SELENBP1: variants seen among roughly 807,000 people sequenced by gnomAD.
The protein encoded by SELENBP1 is selenium binding protein 1, also known as methanethiol oxidase.
Under a neutral mutation model 61.0 loss-of-function variants are expected in SELENBP1, and 71 were observed. The observed-to-expected ratio is 1.16, with a 90% CI of 0.96 to 1.42. The LOEUF is 1.42. Among genes scored for constraint, SELENBP1 ranks in the 40% most tolerant of loss-of-function variants. SELENBP1 has a pLI of 0.00. For synonymous variants in SELENBP1, 270 were observed against 238.9 expected (o/e 1.13, Z -1.20); for missense variants, 561 against 605.0 (o/e 0.93, Z 0.76).
chr1:151,370,280 G>T, intron 1 of SELENBP1: 1 of 205,962 alleles, frequency 4.9e-6, no homozygotes. Flanking sequence ...GGCTGTTCTT[G>T]AGGAGCTGCT....
In SELENBP1 at chr1:151,372,632, C is replaced by T. The variant is rs760768785; in HGVS notation, c.4+6G>A. ...GCAATGGGTGATTGGAAACCCCTCT[C>T]CTTACCCATGCTGCCGACTGGTACA... On this transcript the variant is annotated splice_donor_region_variant and intron_variant, in intron 1 of 11. Coordinates refer to ENST00000368868, the MANE Select transcript of SELENBP1 (RefSeq NM_003944.4). The T allele has an allele frequency of 3.1e-6, 5 of 1,614,082 alleles. No homozygotes were observed. In the African/African-American group the frequency reaches 5.3e-5, roughly 17 times the overall value.
At chr1:151,372,199 T>G (rs1311855205) in intron 1 of SELENBP1, among the ~76,000 whole-genome samples, 1 of 152,056 alleles carries the variant, frequency 6.6e-6, no homozygotes, top group Non-Finnish European at 1.5e-5. Flanking sequence ...GTGGAGTAGC[T>G]AGAGAGTGAC....
At chr1:151,365,957 G>A in intron 7 of SELENBP1, 111 bp from the exon 8 acceptor site, 8 of 1,155,132 alleles carry the variant, frequency 6.9e-6, no homozygotes, top group Non-Finnish European at 9.9e-6. Flanking sequence ...GAGAATAGAT[G>A]CCCGGCCTTC....
chr1:151,364,475 C>G lies in SELENBP1; in HGVS notation c.*68G>C. ...CCAAGGGTCGGGTGCCAAGAGAGAG[C>G]AGAATGAAGCCAGGTCCCCAAGGAA... On this transcript the variant is annotated 3_prime_UTR_variant, in exon 12 of 12. Coordinates refer to ENST00000368868, the MANE Select transcript of SELENBP1 (RefSeq NM_003944.4). 6.3e-7 allele frequency: 1 copy of G among 1,596,448 alleles called. No individual in the cohort carries two copies. The highest frequency in any genetic ancestry group is 8.6e-7 in the Non-Finnish European group (1 of 1,166,538).
At chr1:151,367,836 T>C (rs757424862) in intron 5 of SELENBP1, among the ~76,000 whole-genome samples, 4 of 152,182 alleles carry the variant, frequency 2.6e-5, no homozygotes, top group Non-Finnish European at 5.9e-5. Context: ...CTCTGTATTA[T>C]CAGCAGACAA....
chr1:151,369,619 G>A, intron 2 of SELENBP1, 65 bp from the exon 3 acceptor site: 1 of 1,551,718 alleles, frequency 6.4e-7, no homozygotes, highest in Non-Finnish European at 8.7e-7. Flanking sequence ...GAAGTGCTGG[G>A]TGTGCCAGAG....
intron 1 of SELENBP1, among the ~76,000 whole-genome samples, chr1:151,370,661 C>G (rs544036807): frequency 3.9e-5 from 6 of 152,314 alleles, no homozygotes; most frequent in African/African-American, 1.4e-4. Context: ...ATCACAGCTA[C>G]CAGCACCCCA....
At chr1:151,372,447 A>C (rs1652184873) in intron 1 of SELENBP1, among the ~76,000 whole-genome samples, 191 bp downstream of exon 1, 1 of 152,104 alleles carries the variant, frequency 6.6e-6, no homozygotes. Flanking sequence ...TCTTCCTCAG[A>C]AAGTTTGGCT....
chr1:151,371,485 G>A (rs1275701886), intron 1 of SELENBP1, among the ~76,000 whole-genome samples: 2 of 151,918 alleles, frequency 1.3e-5, no homozygotes, highest in Admixed American at 6.6e-5. Context: ...GAATGCCAGG[G>A]AGTGCTCGAT....
At chr1:151,371,423 A>T (rs970082138) in intron 1 of SELENBP1, among the ~76,000 whole-genome samples, 5 of 151,944 alleles carry the variant, frequency 3.3e-5, no homozygotes, top group South Asian at 2.1e-4. Context: ...AAAAAAAAAA[A>T]AAATAATGAA....
In SELENBP1 at chr1:151,365,577, G is replaced by T. The variant is rs774725499; in HGVS notation, c.1030C>A (p.Arg344Ser). Residue 344 changes from arginine (R) to serine (S), a missense_variant, in exon 9 of 12, where the codon CGC becomes AGC. Physicochemically the swap from Arg to Ser is moderately radical, Grantham distance 110. Transcript: ENST00000368868. ...QYDISDPQRP[R>S]LTGQLFLGGS... Reference sequence around the variant, plus strand: ...AGGGTCTCCACCTGTCCTGTGAGGCGGGGTCTCTGTGGGTCAGAGATGTCA... The same window carrying T: ...AGGGTCTCCACCTGTCCTGTGAGGCTGGGTCTCTGTGGGTCAGAGATGTCA... The T allele has an allele frequency of 6.2e-7, 1 of 1,613,950 alleles. No homozygotes were observed. Among genetic ancestry groups the T allele is most frequent in the South Asian group, 1.1e-5 (1 of 91,068 alleles).
rs1291294285 is a variant in SELENBP1, at chr1:151,365,704, A to G, written c.923-20T>C. 6.2e-7 allele frequency: 1 copy of G among 1,614,112 alleles called. No homozygotes were observed. The highest frequency in any genetic ancestry group is 1.1e-5 in the South Asian group (1 of 91,070). ...TCAGGCCTGTGGGCAGGGGGCGAGTAGAGCCTTTAAGGACTCTTGTTTCCC... is the reference window on the plus strand; with the variant it reads ...TCAGGCCTGTGGGCAGGGGGCGAGTGGAGCCTTTAAGGACTCTTGTTTCCC... On this transcript the variant is annotated intron_variant, in intron 8 of 11. Coordinates refer to ENST00000368868, the MANE Select transcript of SELENBP1 (RefSeq NM_003944.4).
chr1:151,369,241 T>C, intron 3 of SELENBP1, 52 bp from the exon 4 acceptor site: 1 of 1,540,736 alleles, frequency 6.5e-7, no homozygotes, highest in Admixed American at 1.8e-5. Flanking sequence ...CTGTCCACTT[T>C]TGGAAGAGGC....
At position 151,365,929 on chromosome 1, in the gene SELENBP1, GC is replaced by G. The variant is rs1274314325; in HGVS notation, c.844-84del. 3.5e-6 allele frequency: 5 copies of G among 1,440,492 alleles called. No individual in the cohort carries two copies. In the East Asian group the frequency reaches 1.1e-4, roughly 33 times the overall value. 89.2% of individuals were successfully genotyped at this position (1,440,492 alleles called of 1,614,324 possible). The stretch of plus-strand genomic sequence containing the variant: ...GGGGACTAGGGGTTAGATCTGGGTT[GC>G]CCAGACCTGGGAGGGAGAGAATAGA... On this transcript the variant is annotated intron_variant, in intron 7 of 11. Coordinates refer to ENST00000368868, the MANE Select transcript of SELENBP1 (RefSeq NM_003944.4).
Position 151,366,854 on chromosome 1 carries a change from C to A in SELENBP1, c.532G>T (p.Glu178Ter). The part of the protein sequence containing the change: ...GETFEVKGTW[E>*]RPGGAAPLGY... ...AACGGTGCAGCACCCCCAGGTCTCT[C>A]CCATGTCCCCTTCACCTCGAACGTC... Residue 178 changes from glutamate (E) to a stop codon, truncating the protein, a stop_gained, in exon 6 of 12, where the codon GAG (glutamate) becomes TAG (stop). Coordinates refer to ENST00000368868, the MANE Select transcript of SELENBP1 (RefSeq NM_003944.4). LOFTEE classifies it high-confidence loss of function. 1 of 1,614,184 alleles carries A rather than the reference C, an allele frequency of 6.2e-7. No individual in the cohort carries two copies. The highest frequency in any genetic ancestry group is 8.5e-7 in the Non-Finnish European group (1 of 1,180,024).
At chr1:151,369,857 G>C in intron 1 of SELENBP1, 88 bp from the exon 2 acceptor site, 1 of 1,551,530 alleles carries the variant, frequency 6.4e-7, no homozygotes, top group Non-Finnish European at 8.7e-7. Flanking sequence ...ATCCCAGCGG[G>C]CCACGGCAGT....
At chr1:151,368,895 C>T (rs1651990521) in intron 4 of SELENBP1, 109 bp downstream of exon 4, 2 of 1,187,854 alleles carry the variant, frequency 1.7e-6, no homozygotes, top group Middle Eastern at 2.3e-4. Flanking sequence ...GAGCCAGTTG[C>T]CGCGTAAGAG....
chr1:151,365,219 T>C lies in SELENBP1; in HGVS notation c.1107A>G (p.Leu369=), dbSNP rs202101046. 9.7e-5 allele frequency: 156 copies of C among 1,613,902 alleles called. No individual in the cohort carries two copies. In the East Asian group the frequency reaches 3.4e-3, roughly 35 times the overall value. The change falls in exon 10 of 12, where the codon CTA becomes CTG. Residue 369 remains leucine (L), a synonymous_variant. Transcript: ENST00000368868. The stretch of plus-strand genomic sequence containing the variant: ...CCACTAGGGGCTCTGGCTGGGACTT[T>C]AGTTCCTCGTCCTCCAGCACTTGCA... ...GPVQVLEDEE[L]KSQPEPLVVK...
intron 5 of SELENBP1, chr1:151,367,267 C>A (rs1239261579): frequency 1.2e-5 from 2 of 172,446 alleles, no homozygotes; most frequent in African/African-American, 2.5e-5. Context: ...TCTCTTGAAC[C>A]AGTGAGGCGG....
Sources: gnomAD v4.1 joint callset for allele counts (sites outside exome capture counted in the v4.1 genomes callset) on GRCh38, gnomAD v4.1.1 for gene constraint, MANE v1.5 for transcripts, NCBI Gene and HGNC (gene_info 2026-07-23, HGNC 2026-07-21) for gene names.